Variants in DDX46 observed in about 807,000 individuals in gnomAD.
DDX46 encodes the protein DEAD-box helicase 46.
Under a neutral mutation model 134.9 loss-of-function variants are expected in DDX46, and 30 were observed. The ratio of observed to expected loss-of-function variants is 0.22; its 90% CI spans 0.17 to 0.30. DDX46 has a LOEUF of 0.30. Among genes scored for constraint, DDX46 ranks in the 10% least tolerant of loss-of-function variants. DDX46 has a pLI of 1.00. For synonymous variants in DDX46, 415 were observed against 404.1 expected, an observed-to-expected ratio of 1.03 and a Z score of -0.32; for missense variants, 622 against 1,248.7, an observed-to-expected ratio of 0.50 and a Z score of 7.56.
chr5:134,783,088 TGTTTTCCGTG>T (rs753383166), intron 9 of DDX46, 23 bp downstream of exon 9: 2 of 1,610,366 alleles, frequency 1.2e-6, no homozygotes, highest in Non-Finnish European at 1.7e-6. Context: ...TGGTTGTTTA[TGTTTTCCGTG>T]TCTTGCTGCT....
intron 3 of DDX46, among the ~76,000 whole-genome samples, chr5:134,768,447 C>T (rs181569896): frequency 3.3e-5 from 5 of 150,998 alleles, no homozygotes; most frequent in Non-Finnish European, 7.4e-5. Flanking sequence ...TATCTAGTAT[C>T]CTTTTATGAA....
rs1373170815 is a variant in DDX46 at position 134,759,046 on chromosome 5, T to TGGCGCGGCCCCACGTGCGGTC, written c.17+92_17+112dup. On this transcript the variant is annotated intron_variant, in intron 1 of 22. Coordinates refer to ENST00000452510, the MANE Select transcript of DDX46 (RefSeq NM_001300860.2). ...GTTGAGGTGGCCGCCGGGCCAGGCCTGGCGCGGCCCCACGTGCGGTCAGCG... is the reference window on the plus strand; with the variant it reads ...GTTGAGGTGGCCGCCGGGCCAGGCCTGGCGCGGCCCCACGTGCGGTCGGCGCGGCCCCACGTGCGGTCAGCG... The TGGCGCGGCCCCACGTGCGGTC allele has an allele frequency of 3.2e-6, 5 of 1,558,518 alleles. No homozygotes were observed. In the African/African-American group the frequency reaches 6.8e-5, roughly 21 times the overall value.
intron 4 of DDX46, among the ~76,000 whole-genome samples, chr5:134,772,936 A>T (rs1442922926): frequency 6.6e-6 from 1 of 152,142 alleles, no homozygotes; most frequent in African/African-American, 2.4e-5. Context: ...TGAAGGAGGA[A>T]CTACAGGAAT....
rs761660312 is a variant in DDX46, at chr5:134,758,937, G to A, written c.-2G>A. The stretch of plus-strand genomic sequence containing the variant: ...GGCACCAGTATTCCCGCGGTCGGCA[G>A]CATGGGTCGGGAGTCACGGTGAGGC... On this transcript the variant is annotated 5_prime_UTR_variant, in exon 1 of 23. Transcript: ENST00000452510. 1 of 1,613,102 alleles carries A rather than the reference G, an allele frequency of 6.2e-7. No individual in the cohort carries two copies. The highest frequency in any genetic ancestry group is 2.2e-5 in the East Asian group (1 of 44,872).
At chr5:134,776,515 G>A (rs1174631900) in intron 5 of DDX46, among the ~76,000 whole-genome samples, 3 of 152,218 alleles carry the variant, frequency 2.0e-5, no homozygotes, top group African/African-American at 7.2e-5. Context: ...AGGAAGAAGA[G>A]GAGGAGGAGT....
chr5:134,766,961 G>T lies in DDX46; in HGVS notation c.251G>T (p.Arg84Ile). 1 of 1,614,166 alleles carries T rather than the reference G, an allele frequency of 6.2e-7. No homozygotes were observed. Among genetic ancestry groups the T allele is most frequent in the Non-Finnish European group, 8.5e-7 (1 of 1,180,022 alleles). The change falls in exon 3 of 23, where the codon AGA becomes ATA. Residue 84 changes from arginine to isoleucine, a missense_variant. By Grantham distance (97) the Arg-to-Ile change is moderately conservative. This residue lies in a region of DDX46 where 244 missense variants were observed against 349.3 expected (regional missense o/e 0.70). Transcript: ENST00000452510. Reference sequence around the variant, plus strand: ...AGAGACAGAAGCCGAGAGCGAAGAAGATCTCGAAGTAGAGACAGGAGACGC... The same window carrying T: ...AGAGACAGAAGCCGAGAGCGAAGAATATCTCGAAGTAGAGACAGGAGACGC... ...RERDRSRERR[R>I]SRSRDRRRSR...
At chr5:134,771,120 C>G (rs1753754958) in intron 4 of DDX46, 121 bp downstream of exon 4, 1 of 548,550 alleles carries the variant, frequency 1.8e-6, no homozygotes, top group African/African-American at 2.1e-5. Flanking sequence ...GTCTGTCTTT[C>G]TTTCTGTCTT....
rs755208059 is a variant in DDX46 at position 134,811,693 on chromosome 5, A to G, written c.2287-3A>G. The G allele has an allele frequency of 1.3e-6, 2 of 1,580,002 alleles. No homozygotes were observed. The highest frequency in any genetic ancestry group is 1.7e-6 in the Non-Finnish European group (2 of 1,170,110). The stretch of plus-strand genomic sequence containing the variant: ...GATTAACTTCGTTTTCTTTTTTTGA[A>G]AGGAGGGGAAAATAATTAAAAAGAG... On this transcript the variant is annotated splice_region_variant and splice_polypyrimidine_tract_variant and intron_variant, in intron 17 of 22. Coordinates refer to ENST00000452510, the MANE Select transcript of DDX46 (RefSeq NM_001300860.2).
intron 22 of DDX46, among the ~76,000 whole-genome samples, chr5:134,827,325 A>G (rs1755617082): frequency 1.3e-5 from 2 of 149,972 alleles, no homozygotes; most frequent in Non-Finnish European, 3.0e-5. Context: ...CCCAGGCTGG[A>G]GTGCAGTGGC....
intron 9 of DDX46, among the ~76,000 whole-genome samples, chr5:134,783,567 GA>G (rs1754231950): frequency 9.0e-5 from 1 of 11,118 alleles, no homozygotes; most frequent in African/African-American, 4.9e-4. Context: ...TTTTTTTTTT[GA>G]GACGGAGTTT....
At chr5:134,780,432 C>T (rs748648368) in intron 6 of DDX46, among the ~76,000 whole-genome samples, 8 of 149,750 alleles carry the variant, frequency 5.3e-5, no homozygotes, top group Non-Finnish European at 8.9e-5. Flanking sequence ...GGACTAGTGG[C>T]GGGTGCCTGT....
In DDX46 at chr5:134,773,800, A is replaced by G. The variant is rs772343005; in HGVS notation, c.552A>G (p.Glu184=). The G allele has an allele frequency of 3.1e-6, 5 of 1,612,736 alleles. No individual in the cohort carries two copies. The South Asian group carries it at 4.4e-5, about 14-fold the overall frequency. The change falls in exon 5 of 23, where the codon GAA becomes GAG. Residue 184 remains glutamate, a synonymous_variant. Transcript: ENST00000452510. The stretch of plus-strand genomic sequence containing the variant: ...AAAAGGCTATGGAAAACATAGGAGA[A>G]CTGAAAAAGGAAATCGAAGAGATGA... ...QRKKAMENIG[E]LKKEIEEMKQ...
At position 134,827,084 on chromosome 5, in the gene DDX46, A is replaced by G; in HGVS notation, c.3051+64A>G. ...ATAAGTGTTTTATTGAAATATAAAT[A>G]CAGAGAAGTACTCAAATCATAAACA... On this transcript the variant is annotated intron_variant, in intron 22 of 22. Transcript: ENST00000452510. 2.8e-6 allele frequency: 4 copies of G among 1,454,408 alleles called. No homozygotes were observed. The South Asian group carries it at 3.7e-5, about 14-fold the overall frequency. 90.1% of individuals were successfully genotyped at this position (1,454,408 alleles called of 1,614,324 possible).
intron 13 of DDX46, among the ~76,000 whole-genome samples, chr5:134,792,280 T>C (rs1307783704): frequency 7.2e-5 from 11 of 152,102 alleles, no homozygotes; most frequent in Non-Finnish European, 1.5e-5. Context: ...GAAAGCAGCA[T>C]TGAATTTATT....
chr5:134,808,104 G>C (rs1755040886), intron 16 of DDX46, among the ~76,000 whole-genome samples, 163 bp downstream of exon 16: 1 of 152,098 alleles, frequency 6.6e-6, no homozygotes, highest in Non-Finnish European at 1.5e-5. Context: ...ACATGTACAG[G>C]TCTAAGTGTT....
At chr5:134,776,391 G>GA (rs879312247) in intron 5 of DDX46, among the ~76,000 whole-genome samples, 104 of 135,748 alleles carry the variant, frequency 7.7e-4, no homozygotes, top group Non-Finnish European at 7.6e-4. Context: ...AGACTGTCTA[G>GA]AAAAAAAAAA....
At chr5:134,758,981 G>T in intron 1 of DDX46, 26 bp downstream of exon 1, 1 of 1,608,232 alleles carries the variant, frequency 6.2e-7, no homozygotes, top group Non-Finnish European at 8.5e-7. Flanking sequence ...GAGCGGGCTA[G>T]CGGGCGAGCG....
intron 16 of DDX46, among the ~76,000 whole-genome samples, chr5:134,810,728 G>A (rs374772246): frequency 1.3e-5 from 2 of 151,752 alleles, no homozygotes; most frequent in Admixed American, 6.6e-5. Flanking sequence ...AACTTGGGCC[G>A]GGCACAGTGG....
At chr5:134,785,757 A>AT in intron 11 of DDX46, among the ~76,000 whole-genome samples, 171 bp downstream of exon 11, 1 of 152,330 alleles carries the variant, frequency 6.6e-6, no homozygotes, top group East Asian at 1.9e-4. Flanking sequence ...TGTAGGATGA[A>AT]TACCTTTGGA....
Sources: gnomAD v4.1 joint callset for allele counts (sites outside exome capture counted in the v4.1 genomes callset) on GRCh38, gnomAD v4.1.1 for gene constraint, gnomAD v4.1.1 regional missense constraint, MANE v1.5 for transcripts, NCBI Gene and HGNC (gene_info 2026-07-23, HGNC 2026-07-21) for gene names.